ZNF846: variants seen among roughly 807,000 people sequenced by gnomAD.
The protein encoded by ZNF846 is zinc finger protein 420 pseudogene.
In ZNF846, 15 loss-of-function variants were observed where a neutral mutation model predicts 16.0. That is an observed-to-expected ratio of 0.94 (90% CI 0.63 to 1.45). ZNF846 has a LOEUF of 1.45. ZNF846 is among the 40% of genes most tolerant of loss of function. The probability of loss-of-function intolerance (pLI) is 0.00; values close to 1 mark genes in which losing one functional copy is unlikely to be tolerated. For synonymous variants in ZNF846, 229 were observed against 212.0 expected, an observed-to-expected ratio of 1.08 and a Z score of -0.70; for missense variants, 714 against 622.3, an observed-to-expected ratio of 1.15 and a Z score of -1.57.
intron 1 of ZNF846, among the ~76,000 whole-genome samples, chr19:9,783,940 C>T (rs551579728): frequency 6.6e-6 from 1 of 152,056 alleles, no homozygotes; most frequent in Non-Finnish European, 1.5e-5. Context: ...TGAGCTCAAG[C>T]GATCTGCCCG....
upstream of ZNF846, among the ~76,000 whole-genome samples, chr19:9,770,482 T>C (rs1304964463): frequency 2.8e-5 from 4 of 143,764 alleles, no homozygotes; most frequent in South Asian, 4.2e-4. Context: ...GGTTTTCTCT[T>C]TTTTTTTTTT....
At chr19:9,782,886 C>G (rs960216930) in intron 1 of ZNF846, among the ~76,000 whole-genome samples, 2 of 151,922 alleles carry the variant, frequency 1.3e-5, no homozygotes, top group Non-Finnish European at 2.9e-5. Flanking sequence ...GATCTTCTAC[C>G]TCTTCAAGCA....
At chr19:9,784,179 C>T (rs1044029434) in intron 1 of ZNF846, among the ~76,000 whole-genome samples, 30 of 152,114 alleles carry the variant, frequency 2.0e-4, no homozygotes, top group African/African-American at 6.5e-4. Context: ...GCCCAGGAGA[C>T]GGGTGCTCAG....
intron 1 of ZNF846, chr19:9,775,075 T>C (rs909996107): frequency 2.3e-6 from 2 of 876,634 alleles, no homozygotes; most frequent in East Asian, 2.6e-5. Context: ...TGACATTCAC[T>C]TGTGGCAGTT....
At chr19:9,758,551 C>T (rs992039778) in exon 6 of ZNF846, 5 of 1,612,810 alleles carry the variant, frequency 3.1e-6, no homozygotes, top group Non-Finnish European at 4.2e-6. Flanking sequence ...AAGGCTTTTT[C>T]ATGTTTAACA....
chr19:9,785,616 G>A (rs2045551029), intron 1 of ZNF846, among the ~76,000 whole-genome samples: 2 of 74,212 alleles, frequency 2.7e-5, no homozygotes, highest in African/African-American at 5.7e-5. Flanking sequence ...CGCCGCCCGC[G>A]TCTCTCCCTC....
At chr19:9,763,827 A>C (rs1219368381) in intron 2 of ZNF846, among the ~76,000 whole-genome samples, 1 of 152,252 alleles carries the variant, frequency 6.6e-6, no homozygotes, top group African/African-American at 2.4e-5. Context: ...ATGATTGAGG[A>C]TCAGAAAGAA....
intron 1 of ZNF846, chr19:9,774,739 A>G: frequency 6.4e-7 from 1 of 1,557,272 alleles, no homozygotes; most frequent in Non-Finnish European, 8.8e-7. Context: ...ATATCGACGA[A>G]AAGGGGCAGG....
exon 6 of ZNF846, chr19:9,757,625 C>G: frequency 6.2e-7 from 1 of 1,613,600 alleles, no homozygotes; most frequent in Non-Finnish European, 8.5e-7. Context: ...TGAAGGCTTT[C>G]CCACATTCTT....
chr19:9,765,068 T>C (rs371443445), intron 1 of ZNF846, 33 bp from the exon 2 acceptor site: 2 of 1,141,638 alleles, frequency 1.8e-6, no homozygotes, highest in African/African-American at 1.5e-5. Flanking sequence ...GTCAGTTGGA[T>C]ACATCAAAGA....
At chr19:9,783,135 C>A (rs574946289) in intron 1 of ZNF846, among the ~76,000 whole-genome samples, 6 of 150,598 alleles carry the variant, frequency 4.0e-5, no homozygotes, top group Admixed American at 3.3e-4. Context: ...CTTGCCCAGG[C>A]TGCTCTTGAT....
chr19:9,783,537 AAAAAAAAATATATAT>A (rs1444400059), intron 1 of ZNF846, among the ~76,000 whole-genome samples: 1 of 131,750 alleles, frequency 7.6e-6, no homozygotes, highest in Non-Finnish European at 1.6e-5. Flanking sequence ...AAAAAAAAAA[AAAAAAAAATATATAT>A]ATATATATAT....
chr19:9,761,945 A>C (rs987070843), intron 4 of ZNF846, 137 bp downstream of exon 4: 1 of 641,976 alleles, frequency 1.6e-6, no homozygotes. Flanking sequence ...AAAGTATCTA[A>C]GGAAACCAAA....
At chr19:9,749,066 T>A (rs953148258), downstream of ZNF846, among the ~76,000 whole-genome samples, 4 of 152,110 alleles carry the variant, frequency 2.6e-5, no homozygotes, top group African/African-American at 4.8e-5. Context: ...CCCTCCCCAT[T>A]GGGTTCACCA....
intron 5 of ZNF846, chr19:9,752,450 A>G (rs1478327095): frequency 2.4e-6 from 1 of 424,074 alleles, no homozygotes; most frequent in Non-Finnish European, 4.8e-6. Flanking sequence ...TCTACAAAAA[A>G]AAAAAATACA....
At chr19:9,753,219 AATTTATTTATTT>A (rs57885198), downstream of ZNF846, among the ~76,000 whole-genome samples, 149 of 134,558 alleles carry the variant, frequency 1.1e-3, 2 homozygotes, top group South Asian at 5.0e-3. Context: ...GAGGAGACAA[AATTTATTTATTT>A]ATTTATTTAT....
chr19:9,774,633 A>G, intron 1 of ZNF846: 4 of 1,447,456 alleles, frequency 2.8e-6, no homozygotes, highest in Non-Finnish European at 3.9e-6. Context: ...AACTCTCCAT[A>G]TGATTAGGTG....
At chr19:9,773,830 A>G (rs542237493) in intron 1 of ZNF846, among the ~76,000 whole-genome samples, 1 of 152,336 alleles carries the variant, frequency 6.6e-6, no homozygotes, top group South Asian at 2.1e-4. Flanking sequence ...GAATTGCAAA[A>G]GAAGGAAACT....
intron 1 of ZNF846, among the ~76,000 whole-genome samples, chr19:9,781,939 T>G (rs956472814): frequency 6.6e-6 from 1 of 151,392 alleles, no homozygotes; most frequent in Non-Finnish European, 1.5e-5. Flanking sequence ...CACCATGCCC[T>G]GCTAATTTTG....
Sources: gnomAD v4.1 joint callset for allele counts (sites outside exome capture counted in the v4.1 genomes callset) on GRCh38, gnomAD v4.1.1 for gene constraint, MANE v1.5 for transcripts, NCBI Gene and HGNC (gene_info 2026-07-23, HGNC 2026-07-21) for gene names.